Variants in UGT1A9 observed in about 807,000 individuals in gnomAD.
The protein encoded by UGT1A9 is UDP glucuronosyltransferase family 1 member A9.
A neutral mutation model predicts 45.0 loss-of-function variants in UGT1A9; 35 were observed. The ratio of observed to expected loss-of-function variants is 0.78; its 90% CI spans 0.59 to 1.03. The LOEUF (loss-of-function observed/expected upper bound fraction) is 1.03. UGT1A9 is among the 50% of genes least tolerant of loss of function. The pLI is 0.00. For missense variants in UGT1A9, 687 were observed against 666.6 expected (o/e 1.03, Z -0.34); for synonymous variants, 278 against 250.6 (o/e 1.11, Z -1.03).
chr2:233,750,277 G>T (rs1168754564), intron 1 of UGT1A9, among the ~76,000 whole-genome samples: 1 of 151,936 alleles, frequency 6.6e-6, no homozygotes, highest in Admixed American at 6.5e-5. Context: ...TTAGCAAAGA[G>T]ACTGGTGGCA....
At chr2:233,700,561 A>G (rs968515143) in intron 1 of UGT1A9, among the ~76,000 whole-genome samples, 3 of 152,202 alleles carry the variant, frequency 2.0e-5, no homozygotes, top group African/African-American at 7.2e-5. Context: ...TTATAAAAAT[A>G]TAACTTTATT....
Position 233,682,180 on chromosome 2 carries a change from C to A in UGT1A9, c.855+9391C>A, listed in dbSNP as rs149618508. 2.2e-4 allele frequency: 351 copies of A among 1,614,216 alleles called. No individual in the cohort carries two copies. In the African/African-American group the frequency reaches 4.2e-3, roughly 19 times the overall value. ...CAGTGAAGACTTACTCAACCTCATACACTCTGGAGGATCAGGACCGGGAGT... is the reference window on the plus strand; with the variant it reads ...CAGTGAAGACTTACTCAACCTCATAAACTCTGGAGGATCAGGACCGGGAGT... On this transcript the variant is annotated intron_variant, in intron 1 of 4. Transcript: ENST00000354728.
At chr2:233,757,283 G>A (rs1259796690) in intron 1 of UGT1A9, among the ~76,000 whole-genome samples, 1 of 145,382 alleles carries the variant, frequency 6.9e-6, no homozygotes, top group African/African-American at 2.6e-5. Context: ...TGATTCAGAA[G>A]GGACAGCTGG....
At chr2:233,693,897 G>A (rs901787042) in intron 1 of UGT1A9, 3 of 1,613,646 alleles carry the variant, frequency 1.9e-6, no homozygotes, top group African/African-American at 2.7e-5. Flanking sequence ...GGACTGCCTT[G>A]TTTCTTCCAG....
chr2:233,703,301 T>C (rs2075730919), intron 1 of UGT1A9, among the ~76,000 whole-genome samples: 1 of 150,038 alleles, frequency 6.7e-6, no homozygotes, highest in Non-Finnish European at 1.5e-5. Flanking sequence ...ATTCCCTCTT[T>C]CATTTCATAT....
rs1315279815 is a variant in UGT1A9 at position 233,769,066 on chromosome 2, A to T, written c.1295+627A>T. Reference sequence around the variant, plus strand: ...ATCCATAAGTTTCCTGCACAGAAAGAAATACTCCATTATAAGAAGCATAGT... The same window carrying T: ...ATCCATAAGTTTCCTGCACAGAAAGTAATACTCCATTATAAGAAGCATAGT... On this transcript the variant is annotated intron_variant, in intron 4 of 4. Transcript: ENST00000354728. The surrounding 1 kb of genome is among the most constrained non-coding windows in gnomAD (Gnocchi z 4.4). 6.6e-6 allele frequency among the ~76,000 whole-genome samples: 1 copy of T among 152,220 alleles called. No homozygotes were observed. Among genetic ancestry groups the T allele is most frequent in the African/African-American group, 2.4e-5 (1 of 41,470 alleles).
chr2:233,750,998 C>T (rs1414684238), intron 1 of UGT1A9, among the ~76,000 whole-genome samples: 1 of 151,782 alleles, frequency 6.6e-6, no homozygotes, highest in African/African-American at 2.4e-5. Context: ...GGCCACCATC[C>T]TCCAGAATCC....
chr2:233,715,999 A>C (rs2076482577), intron 1 of UGT1A9, among the ~76,000 whole-genome samples: 1 of 152,184 alleles, frequency 6.6e-6, no homozygotes, highest in African/African-American at 2.4e-5. Flanking sequence ...ACAAAACCCA[A>C]AATGACTTTA....
At chr2:233,682,754 G>A (rs1259249288) in intron 1 of UGT1A9, 18 of 1,613,802 alleles carry the variant, frequency 1.1e-5, no homozygotes, top group Non-Finnish European at 1.4e-5. Flanking sequence ...GATCTTCATT[G>A]GTGGTATCAA....
intron 1 of UGT1A9, chr2:233,714,008 T>A (rs1460602380): frequency 4.9e-5 from 75 of 1,532,242 alleles, no homozygotes; most frequent in Non-Finnish European, 6.4e-5. Context: ...TGAGATAAAC[T>A]TTTAAAGGGT....
At chr2:233,712,136 A>G (rs985714952) in intron 1 of UGT1A9, among the ~76,000 whole-genome samples, 4 of 152,238 alleles carry the variant, frequency 2.6e-5, no homozygotes, top group South Asian at 2.1e-4. Context: ...TGGAGCCTTC[A>G]GCATTCAGAA....
At chr2:233,729,262 G>A in intron 1 of UGT1A9, 1 of 1,614,138 alleles carries the variant, frequency 6.2e-7, no homozygotes, top group Non-Finnish European at 8.5e-7. Flanking sequence ...CAGCATGCGG[G>A]AGGTCTTGCG....
intron 1 of UGT1A9, among the ~76,000 whole-genome samples, chr2:233,739,421 G>C (rs1173496275): frequency 2.6e-5 from 4 of 152,188 alleles, no homozygotes; most frequent in African/African-American, 9.7e-5. Context: ...AAAGCAGCCA[G>C]GACGAGGGCT....
At position 233,729,598 on chromosome 2, in the gene UGT1A9, G is replaced by A. The variant is rs775320084; in HGVS notation, c.856-37436G>A. The A allele has an allele frequency of 6.8e-5, 109 of 1,613,866 alleles. No homozygotes were observed. Among genetic ancestry groups the A allele is most frequent in the East Asian group, 3.1e-4 (14 of 44,894 alleles). ...TTTAACAGACCCCGTTAACCTCTGC[G>A]CGGCAGTGCTGGCTAAGTACCTGTC... On this transcript the variant is annotated intron_variant, in intron 1 of 4. Transcript: ENST00000354728.
intron 1 of UGT1A9, chr2:233,693,459 C>A (rs201855477): frequency 1.9e-6 from 3 of 1,614,104 alleles, no homozygotes; most frequent in Middle Eastern, 1.6e-4. Flanking sequence ...ACAGACCCAG[C>A]CTTACCCTGT....
In UGT1A9 at chr2:233,769,471, G is replaced by T. The variant is rs969663450; in HGVS notation, c.1295+1032G>T. On this transcript the variant is annotated intron_variant, in intron 4 of 4. Coordinates refer to ENST00000354728, the MANE Select transcript of UGT1A9 (RefSeq NM_021027.3). The surrounding 1 kb of genome is among the most constrained non-coding windows in gnomAD (Gnocchi z 4.4). ...CACGTGTGCATTCATATGCGTGTGT[G>T]TGTGTGTGCGTGTGTTTATGAGAGT... The T allele has an allele frequency of 2.5e-6, 4 of 1,609,228 alleles. No homozygotes were observed. The African/African-American group carries it at 5.3e-5, about 21-fold the overall frequency.
intron 1 of UGT1A9, among the ~76,000 whole-genome samples, chr2:233,681,051 T>A (rs746474324): frequency 6.6e-6 from 1 of 151,772 alleles, no homozygotes; most frequent in Non-Finnish European, 1.5e-5. Context: ...AAGCAGCACT[T>A]GTGGCTCACC....
chr2:233,682,069 G>T (rs1254179145), intron 1 of UGT1A9: 17 of 1,613,968 alleles, frequency 1.1e-5, no homozygotes. Context: ...TGCAGTCGGT[G>T]GTGGAGAAAC....
At chr2:233,746,034 G>A (rs1246019624) in intron 1 of UGT1A9, among the ~76,000 whole-genome samples, 1 of 151,740 alleles carries the variant, frequency 6.6e-6, no homozygotes, top group East Asian at 1.9e-4. Flanking sequence ...GCACTTACTT[G>A]CTGGCTTGGA....
Sources: allele counts gnomAD v4.1 joint callset (sites outside exome capture counted in the v4.1 genomes callset), GRCh38; gene constraint gnomAD v4.1.1; non-coding constraint Gnocchi (gnomAD v3.1); transcripts MANE v1.5; gene names NCBI Gene and HGNC (gene_info 2026-07-23, HGNC 2026-07-21).